Variants in SLC24A2 observed in about 807,000 individuals in gnomAD.
The protein encoded by SLC24A2 is solute carrier family 24 member 2, also known as sodium/potassium/calcium exchanger 2.
A neutral mutation model predicts 62.0 loss-of-function variants in SLC24A2; 36 were observed. That is an observed-to-expected ratio of 0.58 (90% CI 0.44 to 0.77). The LOEUF (loss-of-function observed/expected upper bound fraction) is 0.77, where lower values mean the gene tolerates loss of function less well. Among genes scored for constraint, SLC24A2 ranks in the 30% least tolerant of loss-of-function variants. The pLI is 0.00. For synonymous variants in SLC24A2, 358 were observed against 294.0 expected (o/e 1.22, Z -2.23); for missense variants, 846 against 817.9 (o/e 1.03, Z -0.42).
At chr9:19,870,835 C>T in the SLC24A2 span, among the ~76,000 whole-genome samples, 1 of 151,990 alleles carries the variant, frequency 6.6e-6, no homozygotes, top group Non-Finnish European at 1.5e-5. Context: ...GATCCTTTGC[C>T]TATTTTTAAA....
At chr9:20,119,395 G>C in the SLC24A2 span, among the ~76,000 whole-genome samples, 1 of 151,952 alleles carries the variant, frequency 6.6e-6, no homozygotes, top group Non-Finnish European at 1.5e-5. Context: ...ACAAAATTTA[G>C]AAAATCAAAT....
At chr9:20,036,755 G>A in the SLC24A2 span, among the ~76,000 whole-genome samples, 2 of 152,006 alleles carry the variant, frequency 1.3e-5, no homozygotes, top group Admixed American at 1.3e-4. Context: ...GATGCCGGAG[G>A]ATACCACAAT....
At chr9:19,583,448 T>C (rs1372155059) in intron 5 of SLC24A2, among the ~76,000 whole-genome samples, 11 of 152,224 alleles carry the variant, frequency 7.2e-5, no homozygotes, top group Non-Finnish European at 1.0e-4. Flanking sequence ...ACAGATTATT[T>C]GGTGCTTTCC....
At chr9:19,902,938 T>A in the SLC24A2 span, among the ~76,000 whole-genome samples, 15 of 152,260 alleles carry the variant, frequency 9.9e-5, no homozygotes, top group East Asian at 2.9e-3. Flanking sequence ...ACTTCATGGC[T>A]AAGCTGTGAG....
chr9:19,594,965 G>A (rs550749261), intron 5 of SLC24A2, among the ~76,000 whole-genome samples: 1 of 152,284 alleles, frequency 6.6e-6, no homozygotes, highest in East Asian at 1.9e-4. Flanking sequence ...TTACATGGCT[G>A]GATGGACAGC....
At chr9:20,096,085 A>ATCCGTCCGTCCGTCCG in the SLC24A2 span, among the ~76,000 whole-genome samples, 2 of 140,484 alleles carry the variant, frequency 1.4e-5, no homozygotes, top group East Asian at 2.0e-4. Flanking sequence ...CCATCCATCC[A>ATCCGTCCGTCCGTCCG]TCCGTCCGTC....
chr9:20,183,907 T>C, the SLC24A2 span, among the ~76,000 whole-genome samples: 2 of 152,226 alleles, frequency 1.3e-5, no homozygotes, highest in East Asian at 1.9e-4. Context: ...AGTTAAAAAG[T>C]ACTCAGCCCC....
At chr9:20,209,149 A>G in the SLC24A2 span, among the ~76,000 whole-genome samples, 2 of 152,246 alleles carry the variant, frequency 1.3e-5, no homozygotes. Flanking sequence ...ACCTATTACT[A>G]TTATGATTGC....
chr9:19,535,055 C>T (rs901241021), intron 8 of SLC24A2, among the ~76,000 whole-genome samples: 1 of 152,164 alleles, frequency 6.6e-6, no homozygotes, highest in African/African-American at 2.4e-5. Flanking sequence ...ACCATTCTAA[C>T]TGGTATGAGA....
At chr9:20,079,642 C>T in the SLC24A2 span, among the ~76,000 whole-genome samples, 2 of 152,172 alleles carry the variant, frequency 1.3e-5, no homozygotes, top group Admixed American at 6.6e-5. Flanking sequence ...ATGTACTTGG[C>T]AAGCACAGTA....
At chr9:19,820,355 T>G in the SLC24A2 span, among the ~76,000 whole-genome samples, 12 of 150,032 alleles carry the variant, frequency 8.0e-5, no homozygotes, top group Non-Finnish European at 1.8e-4. Flanking sequence ...AGGTGATGGG[T>G]GCACTAAAAT....
Position 19,761,009 on chromosome 9 carries a change from G to A in SLC24A2, c.930+24928C>T, listed in dbSNP as rs574144728. Reference sequence around the variant, plus strand: ...TCACACCAACATGGCACATGTATACGTATGTAACAAATCTGCATGTTGTGC... The same window carrying A: ...TCACACCAACATGGCACATGTATACATATGTAACAAATCTGCATGTTGTGC... On this transcript the variant is annotated intron_variant, in intron 2 of 10. Coordinates refer to ENST00000341998, the MANE Select transcript of SLC24A2 (RefSeq NM_020344.4). Among the ~76,000 whole-genome samples, 10 of 152,086 alleles carry A rather than the reference G, an allele frequency of 6.6e-5. No homozygotes were observed. The South Asian group carries it at 1.3e-3, about 19-fold the overall frequency.
At chr9:19,772,109 G>A (rs1363662250) in intron 2 of SLC24A2, among the ~76,000 whole-genome samples, 2 of 152,150 alleles carry the variant, frequency 1.3e-5, no homozygotes, top group East Asian at 3.9e-4. Flanking sequence ...AGATAAGGCA[G>A]AGAAGAATCA....
chr9:20,067,276 G>A, the SLC24A2 span, among the ~76,000 whole-genome samples: 1 of 152,130 alleles, frequency 6.6e-6, no homozygotes, highest in Admixed American at 6.6e-5. Context: ...TCTTCATGAT[G>A]TCCCAGGATG....
intron 4 of SLC24A2, among the ~76,000 whole-genome samples, chr9:19,607,838 C>A (rs968730137): frequency 2.0e-5 from 3 of 151,916 alleles, no homozygotes; most frequent in African/African-American, 4.8e-5. Context: ...TACTCAAAAG[C>A]AGTTTATTTC....
the SLC24A2 span, among the ~76,000 whole-genome samples, chr9:19,948,966 G>A: frequency 0.79 from 119,832 of 151,804 alleles, 47,868 homozygotes; most frequent in Non-Finnish European, 0.86. Context: ...GCAAAAATTG[G>A]CTCCCCACCT....
chr9:20,265,398 T>G, the SLC24A2 span, among the ~76,000 whole-genome samples: 3 of 152,350 alleles, frequency 2.0e-5, no homozygotes, highest in African/African-American at 4.8e-5. Context: ...GAAGATTTCA[T>G]GGACATTTAT....
chr9:20,237,677 GA>G, the SLC24A2 span, among the ~76,000 whole-genome samples: 5 of 152,146 alleles, frequency 3.3e-5, no homozygotes, highest in Non-Finnish European at 7.4e-5. Context: ...GAAGCACTCC[GA>G]TTTTTTTTTG....
chr9:20,234,523 T>A, the SLC24A2 span, among the ~76,000 whole-genome samples: 1 of 152,250 alleles, frequency 6.6e-6, no homozygotes, highest in African/African-American at 2.4e-5. Flanking sequence ...TCGCATCAGC[T>A]ACTGAGGCTT....
Sources: allele counts gnomAD v4.1 joint callset (sites outside exome capture counted in the v4.1 genomes callset), GRCh38; gene constraint gnomAD v4.1.1; transcripts MANE v1.5; gene names NCBI Gene and HGNC (gene_info 2026-07-23, HGNC 2026-07-21).